FBXO30: variants seen among roughly 807,000 people sequenced by gnomAD.
The protein encoded by FBXO30 is F-box protein 30.
Under a neutral mutation model 58.1 loss-of-function variants are expected in FBXO30, and 21 were observed. The observed-to-expected ratio is 0.36, with a 90% confidence interval of 0.26 to 0.52. FBXO30 has a LOEUF of 0.52. FBXO30 is among the 20% of genes least tolerant of loss of function. The probability of loss-of-function intolerance (pLI) is 0.93; values close to 1 mark genes in which losing one functional copy is unlikely to be tolerated. For missense variants in FBXO30, 744 were observed against 897.3 expected, an observed-to-expected ratio of 0.83 and a Z score of 2.18; for synonymous variants, 309 against 312.4, an observed-to-expected ratio of 0.99 and a Z score of 0.11.
Position 145,796,145 on chromosome 6 carries a change from A to G in FBXO30, c.*3961T>C, listed in dbSNP as rs1183053538. The G allele has an allele frequency of 2.6e-5, 4 of 151,904 alleles. No individual in the cohort carries two copies. Among genetic ancestry groups the G allele is most frequent in the African/African-American group, 9.7e-5 (4 of 41,386 alleles). 9.4% of individuals were successfully genotyped at this position (151,904 alleles called of 1,614,324 possible). ...ATCACTGCCTAAATTTTGAGTACCTATTTTCTCATCCATAAAATTCAAATT... is the reference window on the plus strand; with the variant it reads ...ATCACTGCCTAAATTTTGAGTACCTGTTTTCTCATCCATAAAATTCAAATT... On this transcript the variant is annotated 3_prime_UTR_variant, in exon 3 of 3. Coordinates refer to ENST00000237281, the MANE Select transcript of FBXO30 (RefSeq NM_032145.5).
intron 1 of FBXO30, among the ~76,000 whole-genome samples, chr6:145,809,446 C>T (rs1211885326): frequency 6.6e-6 from 1 of 152,196 alleles, no homozygotes; most frequent in Non-Finnish European, 1.5e-5. Context: ...CTTTATGTTA[C>T]TGTACACACC....
rs571964577 is a variant in FBXO30, at chr6:145,799,261, A to G, written c.*845T>C. The G allele has an allele frequency of 6.6e-6, 1 of 152,614 alleles. No individual in the cohort carries two copies. The highest frequency in any genetic ancestry group is 2.1e-4 in the South Asian group (1 of 4,822). 9.5% of individuals were successfully genotyped at this position (152,614 alleles called of 1,614,324 possible). ...AATAGTCAAGCCCTTTGCATTCTGA[A>G]TATTTGAAATTTACACAATACGCCC... On this transcript the variant is annotated 3_prime_UTR_variant, in exon 3 of 3. Coordinates refer to ENST00000237281, the MANE Select transcript of FBXO30 (RefSeq NM_032145.5).
At chr6:145,814,515 C>A (rs1174827813) in intron 1 of FBXO30, 88 bp downstream of exon 1, 1 of 151,874 alleles carries the variant, frequency 6.6e-6, no homozygotes, top group Non-Finnish European at 1.5e-5. Context: ...TCGGTCCCGG[C>A]CGCGGCCTCA....
chr6:145,811,134 C>T (rs1562247842), intron 1 of FBXO30, among the ~76,000 whole-genome samples: 3 of 152,162 alleles, frequency 2.0e-5, no homozygotes, highest in Non-Finnish European at 4.4e-5. Context: ...CTCATTCATT[C>T]TTATGTTCCC....
In FBXO30 at chr6:145,793,807, T is replaced by C. The variant is rs921141378; in HGVS notation, c.*6299A>G. ...TTTCTGCTGCTGTCAGGAGTACTTC[T>C]ATGATGGGATTCACAAATTTTACTA... On this transcript the variant is annotated 3_prime_UTR_variant, in exon 3 of 3. Coordinates refer to ENST00000237281, the MANE Select transcript of FBXO30 (RefSeq NM_032145.5). 5 of 152,068 alleles carry C rather than the reference T, an allele frequency of 3.3e-5. No homozygotes were observed. The highest frequency in any genetic ancestry group is 3.3e-4 in the Admixed American group (5 of 15,270). 9.4% of individuals were successfully genotyped at this position (152,068 alleles called of 1,614,324 possible). A position where few individuals can be genotyped will look rare whatever the true frequency, so the allele number is the denominator to read the frequency against.
chr6:145,810,377 T>C (rs1475077000), intron 1 of FBXO30, among the ~76,000 whole-genome samples: 3 of 152,322 alleles, frequency 2.0e-5, no homozygotes, highest in East Asian at 3.9e-4. Context: ...CATGCCTTTA[T>C]AAAGTATTTT....
At chr6:145,814,214 G>A (rs1562249141) in intron 1 of FBXO30, among the ~76,000 whole-genome samples, 1 of 152,164 alleles carries the variant, frequency 6.6e-6, no homozygotes, top group Non-Finnish European at 1.5e-5. Context: ...CTAAAAACCA[G>A]ACGGAACGAG....
Position 145,800,002 on chromosome 6 carries a change from A to G in FBXO30, c.*104T>C, listed in dbSNP as rs1777946706. 1.2e-6 allele frequency: 1 copy of G among 823,584 alleles called. No homozygotes were observed. Among genetic ancestry groups the G allele is most frequent in the African/African-American group, 1.7e-5 (1 of 57,340 alleles). 51.0% of individuals were successfully genotyped at this position (823,584 alleles called of 1,614,324 possible). On this transcript the variant is annotated 3_prime_UTR_variant, in exon 3 of 3. Transcript: ENST00000237281. ...TCAAAACATTATATACACAGTGACA[A>G]TAAATTTAGCTAGTTGTAATATTTA...
rs771197123 is a variant in FBXO30, at chr6:145,805,785, A to G, written c.621T>C (p.Ile207=). The G allele has an allele frequency of 6.2e-7, 1 of 1,614,084 alleles. No individual in the cohort carries two copies. Among genetic ancestry groups the G allele is most frequent in the Admixed American group, 1.7e-5 (1 of 59,988 alleles). ...TTGGGACACTTGTATTTAACATGCC[A>G]ATGTCTCTTGTAGCAGTATTCAGGA... is the stretch of plus-strand genomic sequence containing the variant. ...LDILNTATRD[I]GMLNTSVPND... is the part of the protein sequence containing the mutation. Residue 207 remains isoleucine, a synonymous_variant, in exon 2 of 3, where the codon ATT becomes ATC. Transcript: ENST00000237281.
intron 1 of FBXO30, among the ~76,000 whole-genome samples, chr6:145,809,240 CT>C (rs1355890804): frequency 1.3e-5 from 2 of 152,016 alleles, no homozygotes; most frequent in Non-Finnish European, 2.9e-5. Flanking sequence ...TAAAGAAAAA[CT>C]TTATTAAGAA....
intron 2 of FBXO30, among the ~76,000 whole-genome samples, chr6:145,803,324 GAAATTCCCTTTTGGAAA>G (rs907774760): frequency 1.3e-5 from 2 of 152,134 alleles, no homozygotes; most frequent in African/African-American, 2.4e-5. Flanking sequence ...TCTGCCATCA[GAAATTCCCTTTTGGAAA>G]AAAAAATCGT....
At position 145,793,750 on chromosome 6, in the gene FBXO30, A is replaced by G. The variant is rs1015093733; in HGVS notation, c.*6356T>C. 2 of 152,100 alleles carry G rather than the reference A, an allele frequency of 1.3e-5. No homozygotes were observed. Among genetic ancestry groups the G allele is most frequent in the Non-Finnish European group, 2.9e-5 (2 of 67,910 alleles). 9.4% of individuals were successfully genotyped at this position (152,100 alleles called of 1,614,324 possible). On this transcript the variant is annotated 3_prime_UTR_variant, in exon 3 of 3. Coordinates refer to ENST00000237281, the MANE Select transcript of FBXO30 (RefSeq NM_032145.5). Reference sequence around the variant, plus strand: ...AATCACTCAGTCACAGAAGTTTTAAATATAAGGAAATTTTGATGAATTACA... The same window carrying G: ...AATCACTCAGTCACAGAAGTTTTAAGTATAAGGAAATTTTGATGAATTACA...
rs568910700 is a variant in FBXO30, at chr6:145,795,301, T to C, written c.*4805A>G. On this transcript the variant is annotated 3_prime_UTR_variant, in exon 3 of 3. Transcript: ENST00000237281. Reference sequence around the variant, plus strand: ...TATTGGTCTTAAGAGCAATTTGACCTGATTAATTGGTCTTAAGAGTTCAAC... The same window carrying C: ...TATTGGTCTTAAGAGCAATTTGACCCGATTAATTGGTCTTAAGAGTTCAAC... The C allele has an allele frequency of 6.6e-6, 1 of 152,020 alleles. No individual in the cohort carries two copies. The highest frequency in any genetic ancestry group is 1.9e-4 in the East Asian group (1 of 5,184). 9.4% of individuals were successfully genotyped at this position (152,020 alleles called of 1,614,324 possible). A position where few individuals can be genotyped will look rare whatever the true frequency, so the allele number is the denominator to read the frequency against.
In FBXO30 at chr6:145,799,375, T is replaced by C. The variant is rs1777930115; in HGVS notation, c.*731A>G. 6.6e-6 allele frequency: 1 copy of C among 152,338 alleles called. No individual in the cohort carries two copies. The allele number at this position is 152,338 out of a possible 1,614,324, so 9.4% of individuals were successfully genotyped here. Reference sequence around the variant, plus strand: ...CCAGGAGCAGTTTCAAATTAAATTATATTCACAGGCTTGCTTTTTGTTTGT... The same window carrying C: ...CCAGGAGCAGTTTCAAATTAAATTACATTCACAGGCTTGCTTTTTGTTTGT... On this transcript the variant is annotated 3_prime_UTR_variant, in exon 3 of 3. Transcript: ENST00000237281.
At chr6:145,814,401 G>A (rs1356572229) in intron 1 of FBXO30, among the ~76,000 whole-genome samples, 2 of 152,068 alleles carry the variant, frequency 1.3e-5, no homozygotes, top group Non-Finnish European at 2.9e-5. Flanking sequence ...CGCCCTCTCA[G>A]GGCGCCCGGA....
rs1313299733 is a variant in FBXO30 at position 145,806,089 on chromosome 6, G to T, written c.317C>A (p.Ser106Ter). ...GACATCTCTGCTTAGATTTTCATAT[G>T]ATTTCCGGTCTGCATAACTAACTGG... ...RWPVSYADRK[S>*]YENLSRDVDE... Residue 106 changes from serine (S) to a stop codon, truncating the protein, a stop_gained, in exon 2 of 3, where the codon TCA becomes TAA. Transcript: ENST00000237281. LOFTEE classifies it high-confidence loss of function. The T allele has an allele frequency of 6.2e-7, 1 of 1,614,022 alleles. No individual in the cohort carries two copies. Among genetic ancestry groups the T allele is most frequent in the Non-Finnish European group, 8.5e-7 (1 of 1,179,986 alleles).
In FBXO30 at chr6:145,795,020, A is replaced by C. The variant is rs1166728776; in HGVS notation, c.*5086T>G. The C allele has an allele frequency of 6.6e-6, 1 of 151,798 alleles. No homozygotes were observed. The highest frequency in any genetic ancestry group is 1.5e-5 in the Non-Finnish European group (1 of 67,760). 9.4% of individuals were successfully genotyped at this position (151,798 alleles called of 1,614,324 possible). On this transcript the variant is annotated 3_prime_UTR_variant, in exon 3 of 3. Transcript: ENST00000237281. ...CTTTTTTTCAATTTCAATCTTTTGA[A>C]TATTAACAAATTGTTACTGTTCTTA...
At position 145,806,185 on chromosome 6, in the gene FBXO30, T is replaced by C. The variant is rs142923449; in HGVS notation, c.221A>G (p.Asn74Ser). 59 of 1,614,140 alleles carry C rather than the reference T, an allele frequency of 3.7e-5. 4 individuals carry two copies. In the Middle Eastern group the frequency reaches 4.8e-3, roughly 131 times the overall value. ...CATTTCTAGATGTTCAGCAACTTTATTTCGGGCCATGGTAAATGGACATCC... is the reference window on the plus strand; with the variant it reads ...CATTTCTAGATGTTCAGCAACTTTACTTCGGGCCATGGTAAATGGACATCC... Reference protein sequence around the residue: ...DFGCPFTMARNKVAEHLEMCP... With the variant: ...DFGCPFTMARSKVAEHLEMCP... The change falls in exon 2 of 3, where the codon AAT (asparagine) becomes AGT (serine). Residue 74 changes from asparagine to serine, a missense_variant. Coordinates refer to ENST00000237281, the MANE Select transcript of FBXO30 (RefSeq NM_032145.5).
intron 1 of FBXO30, among the ~76,000 whole-genome samples, chr6:145,807,571 G>C (rs1583198705): frequency 6.6e-6 from 1 of 152,216 alleles, no homozygotes; most frequent in Non-Finnish European, 1.5e-5. Flanking sequence ...TTTTACAACT[G>C]GAAGTCACTG....
Sources: gnomAD v4.1 joint callset for allele counts (sites outside exome capture counted in the v4.1 genomes callset) on GRCh38, gnomAD v4.1.1 for gene constraint, MANE v1.5 for transcripts, NCBI Gene and HGNC (gene_info 2026-07-23, HGNC 2026-07-21) for gene names.